The following BAZ2B variants were observed in gnomAD, a reference collection of about 807,000 sequenced individuals.
BAZ2B encodes bromodomain adjacent to zinc finger domain protein 2B.
A neutral mutation model predicts 246.0 loss-of-function variants in BAZ2B; 91 were observed. The ratio of observed to expected loss-of-function variants is 0.37; its 90% CI spans 0.31 to 0.44. The LOEUF (loss-of-function observed/expected upper bound fraction) is 0.44. Among genes scored for constraint, BAZ2B ranks in the 20% least tolerant of loss-of-function variants. BAZ2B has a pLI of 1.00. For missense variants in BAZ2B, 2,332 were observed against 2,533.7 expected, an observed-to-expected ratio of 0.92 and a Z score of 1.71; for synonymous variants, 855 against 860.0, an observed-to-expected ratio of 0.99 and a Z score of 0.10.
chr2:159,400,588 A>T lies in BAZ2B; in HGVS notation c.2898+11T>A, dbSNP rs745677672. The stretch of plus-strand genomic sequence containing the variant: ...AAATTACTTTAATTATATTAAATTT[A>T]AGACTTCTACCTCTAGAATTTGCTG... On this transcript the variant is annotated intron_variant, in intron 17 of 36. Transcript: ENST00000392783. The T allele has an allele frequency of 6.7e-7, 1 of 1,495,604 alleles. No homozygotes were observed. The highest frequency in any genetic ancestry group is 1.4e-5 in the African/African-American group (1 of 70,966). 92.6% of individuals were successfully genotyped at this position (1,495,604 alleles called of 1,614,324 possible). A position where few individuals can be genotyped will look rare whatever the true frequency, so the allele number is the denominator to read the frequency against.
chr2:159,482,905 C>A (rs938751486), intron 2 of BAZ2B, among the ~76,000 whole-genome samples: 2 of 152,008 alleles, frequency 1.3e-5, no homozygotes, highest in African/African-American at 4.8e-5. Flanking sequence ...ATCCAAGAAC[C>A]ATCTATTCCT....
At chr2:159,653,231 C>T in the BAZ2B span, among the ~76,000 whole-genome samples, 5 of 152,276 alleles carry the variant, frequency 3.3e-5, no homozygotes, top group South Asian at 1.0e-3. Context: ...TGAGCCACCA[C>T]ACCTGGCACC....
intron 2 of BAZ2B, among the ~76,000 whole-genome samples, chr2:159,535,901 CA>C (rs1199233288): frequency 6.6e-6 from 1 of 152,142 alleles, no homozygotes; most frequent in Non-Finnish European, 1.5e-5. Flanking sequence ...ATCTGTGTGG[CA>C]AAGGTTTGTG....
chr2:159,481,146 A>T (rs915563425), intron 2 of BAZ2B, among the ~76,000 whole-genome samples: 4 of 152,048 alleles, frequency 2.6e-5, no homozygotes, highest in Non-Finnish European at 5.9e-5. Context: ...GCCTGAATTT[A>T]CAAGGTTTAG....
chr2:159,447,301 A>T (rs2074395338), intron 5 of BAZ2B, among the ~76,000 whole-genome samples: 1 of 152,236 alleles, frequency 6.6e-6, no homozygotes, highest in Admixed American at 6.5e-5. Context: ...AAATGCATTA[A>T]ATACCAGTAA....
intron 34 of BAZ2B, among the ~76,000 whole-genome samples, chr2:159,331,699 CTGAG>C (rs1448201867): frequency 1.3e-5 from 2 of 152,078 alleles, no homozygotes; most frequent in Non-Finnish European, 2.9e-5. Context: ...AATTTAAAGG[CTGAG>C]TATTACACAG....
intron 2 of BAZ2B, among the ~76,000 whole-genome samples, chr2:159,485,949 A>G (rs1378618919): frequency 6.6e-6 from 1 of 152,106 alleles, no homozygotes; most frequent in Non-Finnish European, 1.5e-5. Flanking sequence ...CATATTGCTC[A>G]GCGAATAATC....
intron 13 of BAZ2B, among the ~76,000 whole-genome samples, chr2:159,421,504 T>A (rs1011691264): frequency 2.6e-5 from 4 of 152,158 alleles, no homozygotes; most frequent in African/African-American, 9.7e-5. Context: ...GTAATCCTAT[T>A]TTCTTGAATT....
the BAZ2B span, among the ~76,000 whole-genome samples, chr2:159,659,065 C>T: frequency 6.6e-6 from 1 of 152,164 alleles, no homozygotes; most frequent in East Asian, 1.9e-4. Context: ...TCCAGCTTGA[C>T]ATAATGTGTT....
chr2:159,417,034 T>C (rs2067845058), intron 13 of BAZ2B, among the ~76,000 whole-genome samples: 1 of 152,226 alleles, frequency 6.6e-6, no homozygotes, highest in African/African-American at 2.4e-5. Context: ...CAAAAGAATT[T>C]AATTCTTTTT....
At chr2:159,405,138 A>C (rs1559292185) in intron 14 of BAZ2B, 24 bp from the exon 15 acceptor site, 1 of 1,603,440 alleles carries the variant, frequency 6.2e-7, no homozygotes, top group Non-Finnish European at 8.5e-7. Context: ...AATTTCAAAG[A>C]ATATTAACAA....
At chr2:159,336,314 T>G (rs984107837) in intron 33 of BAZ2B, among the ~76,000 whole-genome samples, 2 of 152,238 alleles carry the variant, frequency 1.3e-5, no homozygotes, top group African/African-American at 4.8e-5. Flanking sequence ...CTCTGTATTT[T>G]GAACACACAC....
At chr2:159,647,407 T>C in the BAZ2B span, among the ~76,000 whole-genome samples, 1 of 152,172 alleles carries the variant, frequency 6.6e-6, no homozygotes, top group South Asian at 2.1e-4. Context: ...CACAGTAGGA[T>C]CAACGTTCTT....
At chr2:159,441,630 A>C (rs2073406899) in intron 6 of BAZ2B, among the ~76,000 whole-genome samples, 1 of 150,236 alleles carries the variant, frequency 6.7e-6, no homozygotes, top group South Asian at 2.1e-4. Context: ...ATGTTTTATT[A>C]CTTACAAATT....
At chr2:159,705,357 C>T in the BAZ2B span, among the ~76,000 whole-genome samples, 2 of 151,886 alleles carry the variant, frequency 1.3e-5, no homozygotes, top group African/African-American at 4.8e-5. Flanking sequence ...AAGTAGGTGA[C>T]AGAAAAACAT....
chr2:159,348,624 T>C (rs892944484), intron 30 of BAZ2B, 54 bp downstream of exon 30: 5 of 1,533,120 alleles, frequency 3.3e-6, no homozygotes, highest in Non-Finnish European at 4.4e-6. Context: ...TTTAGAATAA[T>C]TAATTCTCAT....
rs1345441384 is a variant in BAZ2B, at chr2:159,616,501, G to A, written c.-305C>T. 1 of 152,102 alleles carries A rather than the reference G, an allele frequency of 6.6e-6. No homozygotes were observed. Among genetic ancestry groups the A allele is most frequent in the Non-Finnish European group, 1.5e-5 (1 of 68,050 alleles). 9.4% of individuals were successfully genotyped at this position (152,102 alleles called of 1,614,324 possible). A position where few individuals can be genotyped will look rare whatever the true frequency, so the allele number is the denominator to read the frequency against. ...TGAAGCAGGAGATGATTCTTCTCAA[G>A]GTTTGTTCAGCAGCTTCACTTCTAG... is the stretch of plus-strand genomic sequence containing the variant. On this transcript the variant is annotated 5_prime_UTR_variant, in exon 1 of 37. Coordinates refer to ENST00000392783, the MANE Select transcript of BAZ2B (RefSeq NM_013450.4).
chr2:159,679,203 C>T, the BAZ2B span, among the ~76,000 whole-genome samples: 1 of 130,566 alleles, frequency 7.7e-6, no homozygotes. Flanking sequence ...AGCTGGGAGG[C>T]GGAGCTTGCA....
chr2:159,348,103 G>A (rs1394957691), intron 30 of BAZ2B, among the ~76,000 whole-genome samples: 1 of 151,794 alleles, frequency 6.6e-6, no homozygotes, highest in Non-Finnish European at 1.5e-5. Flanking sequence ...AGGATCACTT[G>A]AGGCCAGGAG....
Sources: gnomAD v4.1 joint callset for allele counts (sites outside exome capture counted in the v4.1 genomes callset) on GRCh38, gnomAD v4.1.1 for gene constraint, MANE v1.5 for transcripts, NCBI Gene and HGNC (gene_info 2026-07-23, HGNC 2026-07-21) for gene names.